Variants in PPP2R2B observed in about 807,000 individuals in gnomAD.
PPP2R2B encodes the protein serine/threonine-protein phosphatase 2A 55 kDa regulatory subunit B beta isoform.
Under a neutral mutation model 46.0 loss-of-function variants are expected in PPP2R2B, and 5 were observed. The ratio of observed to expected loss-of-function variants is 0.11; its 90% CI spans 0.06 to 0.23. The LOEUF is 0.23. Among genes scored for constraint, PPP2R2B ranks in the 10% least tolerant of loss-of-function variants. The probability of loss-of-function intolerance (pLI) is 1.00; values close to 1 mark genes in which losing one functional copy is unlikely to be tolerated. For missense variants in PPP2R2B, 367 were observed against 575.0 expected (o/e 0.64, Z 3.70); for synonymous variants, 215 against 206.7 (o/e 1.04, Z -0.34).
upstream of PPP2R2B, among the ~76,000 whole-genome samples, chr5:146,881,558 T>G (rs1296450036): frequency 6.6e-6 from 1 of 152,032 alleles, no homozygotes; most frequent in African/African-American, 2.4e-5. Flanking sequence ...GACTAAGACA[T>G]GGACCACCAC....
intron 5 of PPP2R2B, among the ~76,000 whole-genome samples, chr5:146,658,399 C>G (rs1776475515): frequency 6.6e-6 from 1 of 152,138 alleles, no homozygotes; most frequent in Admixed American, 6.5e-5. Flanking sequence ...TTTTTAGTAA[C>G]AACTGGGACC....
intron 6 of PPP2R2B, among the ~76,000 whole-genome samples, chr5:146,647,785 G>C (rs1196334626): frequency 6.6e-6 from 1 of 152,164 alleles, no homozygotes; most frequent in Non-Finnish European, 1.5e-5. Flanking sequence ...CAGATTTCTG[G>C]CTCTTGGAAT....
chr5:146,726,933 A>T (rs970930542), intron 2 of PPP2R2B, among the ~76,000 whole-genome samples: 1 of 152,194 alleles, frequency 6.6e-6, no homozygotes, highest in Admixed American at 6.5e-5. Context: ...ACTAGGATAC[A>T]CATTATGGTA....
intron 2 of PPP2R2B, among the ~76,000 whole-genome samples, chr5:146,753,146 G>T (rs1753651856): frequency 6.6e-6 from 1 of 152,190 alleles, no homozygotes; most frequent in Non-Finnish European, 1.5e-5. Context: ...GCTGCTCCAT[G>T]ACAGAACTAG....
At chr5:146,972,643 C>A (rs1188600541) in intron 1 of PPP2R2B, among the ~76,000 whole-genome samples, 1 of 152,016 alleles carries the variant, frequency 6.6e-6, no homozygotes, top group East Asian at 1.9e-4. Flanking sequence ...ACACGGGAGG[C>A]AGAGGTCGAA....
At chr5:146,648,401 C>A (rs1003505569) in intron 6 of PPP2R2B, among the ~76,000 whole-genome samples, 6 of 152,112 alleles carry the variant, frequency 3.9e-5, no homozygotes, top group Non-Finnish European at 5.9e-5. Context: ...TATAAACGAA[C>A]CTTCAGAGCT....
At position 146,746,845 on chromosome 5, in the gene PPP2R2B, G is replaced by A. The variant is rs567915134; in HGVS notation, c.71-45703C>T. Among the ~76,000 whole-genome samples the A allele has an allele frequency of 2.2e-4, 33 of 152,306 alleles. 1 individual carries two copies. Among genetic ancestry groups the A allele is most frequent in the Non-Finnish European group, 1.9e-4 (13 of 68,038 alleles). On this transcript the variant is annotated intron_variant, in intron 2 of 9. Transcript: ENST00000394411. ...TTAAATGCTGTGAGATAAAAGTGCT[G>A]TAGGGATATTTAAACTCCCATTATG...
At chr5:146,655,467 C>G (rs1776263632) in intron 5 of PPP2R2B, among the ~76,000 whole-genome samples, 1 of 152,192 alleles carries the variant, frequency 6.6e-6, no homozygotes, top group Admixed American at 6.5e-5. Context: ...ATCCTCTTCC[C>G]CAACTGACTG....
chr5:146,718,287 C>T (rs1780607887), intron 2 of PPP2R2B, among the ~76,000 whole-genome samples: 1 of 151,880 alleles, frequency 6.6e-6, no homozygotes, highest in African/African-American at 2.4e-5. Flanking sequence ...ACTCAGGAGG[C>T]TGAGGTGGGA....
At chr5:146,634,667 G>A (rs775719859) in intron 7 of PPP2R2B, among the ~76,000 whole-genome samples, 3 of 151,916 alleles carry the variant, frequency 2.0e-5, no homozygotes, top group Admixed American at 6.6e-5. Context: ...CACCACCATC[G>A]GCTCTCCTGG....
At chr5:147,029,853 G>T (rs1244879747) in intron 1 of PPP2R2B, among the ~76,000 whole-genome samples, 1 of 151,740 alleles carries the variant, frequency 6.6e-6, no homozygotes, top group Non-Finnish European at 1.5e-5. Flanking sequence ...CTAGCCTCTG[G>T]AACTTTAAGA....
At chr5:146,655,345 C>G (rs371908167) in intron 5 of PPP2R2B, among the ~76,000 whole-genome samples, 9 of 152,188 alleles carry the variant, frequency 5.9e-5, no homozygotes, top group African/African-American at 1.4e-4. Context: ...CTCTTCCCCC[C>G]CAGAGAGTGG....
At chr5:146,590,694 TAAGGCTTCATGGC>T (rs1336275863) in intron 9 of PPP2R2B, among the ~76,000 whole-genome samples, 1 of 152,166 alleles carries the variant, frequency 6.6e-6, no homozygotes, top group African/African-American at 2.4e-5. Flanking sequence ...GTCTGGCCTC[TAAGGCTTCATGGC>T]ATCAGTGCAG....
Position 146,585,654 on chromosome 5 carries a change from A to G in PPP2R2B, c.*4293T>C, listed in dbSNP as rs190609299. ...GTTGACAACTTGAGTCTATTTTCTC[A>G]TTTGCAAAATGGAAATACTAATGCC... On this transcript the variant is annotated 3_prime_UTR_variant, in exon 10 of 10. Coordinates refer to ENST00000394411, the MANE Select transcript of PPP2R2B (RefSeq NM_181675.4). 1 of 152,262 alleles carries G rather than the reference A, an allele frequency of 6.6e-6. No individual in the cohort carries two copies. The highest frequency in any genetic ancestry group is 6.5e-5 in the Admixed American group (1 of 15,304). 9.4% of individuals were successfully genotyped at this position (152,262 alleles called of 1,614,324 possible).
At chr5:147,060,638 A>C (rs912143401), upstream of PPP2R2B, among the ~76,000 whole-genome samples, 61 of 152,304 alleles carry the variant, frequency 4.0e-4, no homozygotes, top group African/African-American at 1.3e-3. Context: ...TCTTAAAAAA[A>C]AGAAACAACA....
At chr5:147,044,445 A>G (rs1415891360) in intron 1 of PPP2R2B, among the ~76,000 whole-genome samples, 1 of 152,244 alleles carries the variant, frequency 6.6e-6, no homozygotes, top group African/African-American at 2.4e-5. Flanking sequence ...TGGGATGGGA[A>G]TAGGTGTGCT....
At chr5:146,842,358 C>T (rs1759703877) in intron 2 of PPP2R2B, among the ~76,000 whole-genome samples, 3 of 148,494 alleles carry the variant, frequency 2.0e-5, no homozygotes, top group Non-Finnish European at 3.0e-5. Context: ...AGTATAAGAG[C>T]CTATATTCTA....
At chr5:146,707,349 G>A in intron 2 of PPP2R2B, 1 of 859,286 alleles carries the variant, frequency 1.2e-6, no homozygotes, top group Non-Finnish European at 2.0e-6. Flanking sequence ...TCTCCTGGGT[G>A]CACACAGCAT....
At chr5:146,800,146 C>T (rs1451598109) in intron 2 of PPP2R2B, among the ~76,000 whole-genome samples, 1 of 152,040 alleles carries the variant, frequency 6.6e-6, no homozygotes, top group African/African-American at 2.4e-5. Flanking sequence ...GCTCTAGGTC[C>T]ATGCATCTTG....
Sources: gnomAD v4.1 joint callset for allele counts (sites outside exome capture counted in the v4.1 genomes callset) on GRCh38, gnomAD v4.1.1 for gene constraint, MANE v1.5 for transcripts, NCBI Gene and HGNC (gene_info 2026-07-23, HGNC 2026-07-21) for gene names.